Variants in SALL1 observed in about 807,000 individuals in gnomAD.
SALL1 encodes the protein sal-like protein 1.
SALL1 carries 10 observed loss-of-function variants against 73.1 expected under a neutral mutation model. The observed-to-expected ratio is 0.14, with a 90% confidence interval of 0.08 to 0.23. The LOEUF is 0.23. Among genes scored for constraint, SALL1 ranks in the 10% least tolerant of loss-of-function variants. SALL1 has a pLI of 1.00. For missense variants in SALL1, 1,520 were observed against 1,697.3 expected, an observed-to-expected ratio of 0.90 and a Z score of 1.84; for synonymous variants, 688 against 689.8, an observed-to-expected ratio of 1.00 and a Z score of 0.04.
In SALL1 at chr16:51,141,269, G is replaced by T. The variant is rs910738833; in HGVS notation, c.953C>A (p.Pro318Gln). ...AGAACTGCTCTGAGGTAGCTGGATT[G>T]GGGGTAGCTGTTTCACACCACTAAT... is the stretch of plus-strand genomic sequence containing the variant. ...ASISGVKQLP[P>Q]IQLPQSSSGN... Residue 318 changes from proline (P) to glutamine (Q), a missense_variant, in exon 2 of 3, where the codon CCA (proline) becomes CAA (glutamine). Around this residue, in one of 7 missense-constraint regions of SALL1, gnomAD observed 540 missense variants for 567.5 expected, o/e 0.95. Coordinates refer to ENST00000251020, the MANE Select transcript of SALL1 (RefSeq NM_002968.3). This position sits in a 1 kb window ranked among gnomAD's most constrained non-coding sequence, Gnocchi z 5.4. 1.2e-6 allele frequency: 2 copies of T among 1,614,134 alleles called. No homozygotes were observed. Among genetic ancestry groups the T allele is most frequent in the Non-Finnish European group, 1.7e-6 (2 of 1,180,036 alleles).
In SALL1 at chr16:51,141,806, G is replaced by A; in HGVS notation, c.416C>T (p.Thr139Ile). The change falls in exon 2 of 3, where the codon ACT becomes ATT. Residue 139 changes from threonine to isoleucine, a missense_variant. Thr to Ile is a moderately conservative substitution (Grantham distance 89, BLOSUM62 -1). Around this residue, in one of 7 missense-constraint regions of SALL1, gnomAD observed 540 missense variants for 567.5 expected, o/e 0.95. Transcript: ENST00000251020. The surrounding 1 kb of genome is among the most constrained non-coding windows in gnomAD (Gnocchi z 5.4). ...GGTACTGCTGTGGCTGCCGCTGGAA[G>A]TGCCGCTGCCGCTTTTGTTAGCAAC... is the stretch of plus-strand genomic sequence containing the variant. ...APVANKSGSGTSSGSHSSTAP... is the reference protein window; with the variant it reads ...APVANKSGSGISSGSHSSTAP... The A allele has an allele frequency of 6.2e-7, 1 of 1,613,824 alleles. No homozygotes were observed. Among genetic ancestry groups the A allele is most frequent in the Non-Finnish European group, 8.5e-7 (1 of 1,179,936 alleles).
chr16:51,136,835 T>C lies in SALL1; in HGVS notation c.*277A>G, dbSNP rs539837444. The stretch of plus-strand genomic sequence containing the variant: ...ATTGCCATAAATGTTACAGCAAGTT[T>C]ACAGCACTCTAGTCAATTAGTATTT... On this transcript the variant is annotated 3_prime_UTR_variant, in exon 3 of 3. Transcript: ENST00000251020. 1.5e-5 allele frequency: 7 copies of C among 454,046 alleles called. No homozygotes were observed. The highest frequency in any genetic ancestry group is 1.4e-4 in the African/African-American group (7 of 50,996). 28.1% of individuals were successfully genotyped at this position (454,046 alleles called of 1,614,324 possible).
intron 1 of SALL1, among the ~76,000 whole-genome samples, chr16:51,144,789 G>C (rs1200613764): frequency 6.6e-6 from 1 of 152,110 alleles, no homozygotes; most frequent in Non-Finnish European, 1.5e-5. Flanking sequence ...ATTTAGGATT[G>C]TGCTAACTGG....
chr16:51,149,005 AAAGG>A (rs1296982789), intron 1 of SALL1, among the ~76,000 whole-genome samples: 1 of 152,210 alleles, frequency 6.6e-6, no homozygotes, highest in Non-Finnish European at 1.5e-5. Flanking sequence ...AAGAAAAAAG[AAAGG>A]AAGGAAGAGA....
At position 51,137,313 on chromosome 16, in the gene SALL1, ACCGTTCTGAATGACG is replaced by A. The variant is rs1962323626; in HGVS notation, c.3759_3773del (p.Val1254_Gly1258del). ...GGCTTCCAGGAATTGGAGGGATGCC[ACCGTTCTGAATGACG>A]GAGATCTCGTTGGCCTTCATCGCCA... is the stretch of plus-strand genomic sequence containing the variant. On this transcript the variant is annotated inframe_deletion, in exon 3 of 3. Coordinates refer to ENST00000251020, the MANE Select transcript of SALL1 (RefSeq NM_002968.3). 1.9e-6 allele frequency: 3 copies of A among 1,613,872 alleles called. No homozygotes were observed. Among genetic ancestry groups the A allele is most frequent in the Non-Finnish European group, 2.5e-6 (3 of 1,179,986 alleles).
chr16:51,145,424 T>C (rs1032669633), intron 1 of SALL1, among the ~76,000 whole-genome samples: 1 of 152,180 alleles, frequency 6.6e-6, no homozygotes, highest in Non-Finnish European at 1.5e-5. Flanking sequence ...GCATACAGAT[T>C]ATTTTGTAAG....
Position 51,139,077 on chromosome 16 carries a change from A to G in SALL1, c.3145T>C (p.Leu1049=). ...STKGNLKQHM[L]THQMRDLPSQ... ...GGCAGATCTCGCATCTGATGTGTCA[A>G]CATGTGCTGCTTCAAATTACCCTTT... The change falls in exon 2 of 3, where the codon TTG becomes CTG. Residue 1049 remains leucine (L), a synonymous_variant. Coordinates refer to ENST00000251020, the MANE Select transcript of SALL1 (RefSeq NM_002968.3). The G allele has an allele frequency of 6.2e-7, 1 of 1,614,216 alleles. No homozygotes were observed. The highest frequency in any genetic ancestry group is 8.5e-7 in the Non-Finnish European group (1 of 1,180,048).
At chr16:51,148,028 TAAG>T (rs1787407639) in intron 1 of SALL1, among the ~76,000 whole-genome samples, 1 of 152,224 alleles carries the variant, frequency 6.6e-6, no homozygotes, top group African/African-American at 2.4e-5. Context: ...CTTGGTTTCA[TAAG>T]AAGCAGAAAA....
At chr16:51,143,031 C>T (rs1313630704) in intron 1 of SALL1, among the ~76,000 whole-genome samples, 3 of 152,208 alleles carry the variant, frequency 2.0e-5, no homozygotes, top group Non-Finnish European at 4.4e-5. Context: ...ATTTACATTT[C>T]TGATTAAACA....
At chr16:51,145,438 C>A (rs1472709998) in intron 1 of SALL1, among the ~76,000 whole-genome samples, 1 of 152,044 alleles carries the variant, frequency 6.6e-6, no homozygotes, top group Non-Finnish European at 1.5e-5. Context: ...TTGTAAGCAA[C>A]CCTAGTCAGA....
In SALL1 at chr16:51,141,592, G is replaced by A; in HGVS notation, c.630C>T (p.Phe210=). 6.2e-7 allele frequency: 1 copy of A among 1,614,136 alleles called. No individual in the cohort carries two copies. The highest frequency in any genetic ancestry group is 8.5e-7 in the Non-Finnish European group (1 of 1,180,022). The part of the protein sequence containing the change: ...LQSTKVAVAQ[F]SQEARCGGAS... The stretch of plus-strand genomic sequence containing the variant: ...CCCCGCCGCACCTCGCTTCCTGGGA[G>A]AACTGGGCCACCGCCACCTTGGTGC... The change falls in exon 2 of 3, where the codon TTC becomes TTT. Residue 210 remains phenylalanine, a synonymous_variant. Coordinates refer to ENST00000251020, the MANE Select transcript of SALL1 (RefSeq NM_002968.3). The surrounding 1 kb of genome is among the most constrained non-coding windows in gnomAD (Gnocchi z 5.4).
intron 1 of SALL1, chr16:51,149,927 G>C (rs79400557): frequency 0.012 from 1,905 of 152,492 alleles, 16 homozygotes; most frequent in Non-Finnish European, 0.02. Context: ...GGCATCCCGA[G>C]TGGCATCCGG....
chr16:51,150,991 A>G (rs529185428), intron 1 of SALL1, 175 bp downstream of exon 1: 39 of 436,124 alleles, frequency 8.9e-5, no homozygotes, highest in Admixed American at 7.4e-4. Flanking sequence ...AAAGCCCAGC[A>G]AAGGCACATT....
upstream of SALL1, among the ~76,000 whole-genome samples, chr16:51,151,577 C>T (rs1302718082): frequency 2.6e-5 from 4 of 151,244 alleles, no homozygotes; most frequent in Non-Finnish European, 5.9e-5. Context: ...GGCCGCGGGG[C>T]TGGCTCTGCG....
Position 51,139,840 on chromosome 16 carries a change from G to A in SALL1, c.2382C>T (p.Pro794=), listed in dbSNP as rs1962383963. 6.2e-7 allele frequency: 1 copy of A among 1,614,186 alleles called. No homozygotes were observed. The highest frequency in any genetic ancestry group is 2.2e-5 in the East Asian group (1 of 44,890). The change falls in exon 2 of 3, where the codon CCC becomes CCT. Residue 794 remains proline, a synonymous_variant. Coordinates refer to ENST00000251020, the MANE Select transcript of SALL1 (RefSeq NM_002968.3). Reference sequence around the variant, plus strand: ...AGTAGCTGTCGGGGACTGGGGTGTTGGGGATCTGGCCTCCCATATGCATTC... The same window carrying A: ...AGTAGCTGTCGGGGACTGGGGTGTTAGGGATCTGGCCTCCCATATGCATTC... ...HIRMHMGGQI[P]NTPVPDSYSE...
In SALL1 at chr16:51,142,093, G is replaced by C; in HGVS notation, c.129C>G (p.His43Gln). Residue 43 changes from histidine (H) to glutamine (Q), a missense_variant, in exon 2 of 3, where the codon CAC (histidine) becomes CAG (glutamine). Around this residue, in one of 7 missense-constraint regions of SALL1, gnomAD observed 540 missense variants for 567.5 expected, o/e 0.95. Coordinates refer to ENST00000251020, the MANE Select transcript of SALL1 (RefSeq NM_002968.3). Reference protein sequence around the residue: ...PSRPTKSKDAHVCGRCCAEFF... With the variant: ...PSRPTKSKDAQVCGRCCAEFF... ...ACTCGGCACAGCACCGGCCACAGACGTGGGCATCCTTGCTCTTAGTAGGGC... is the reference window on the plus strand; with the variant it reads ...ACTCGGCACAGCACCGGCCACAGACCTGGGCATCCTTGCTCTTAGTAGGGC... The C allele has an allele frequency of 6.2e-7, 1 of 1,613,782 alleles. No homozygotes were observed. Among genetic ancestry groups the C allele is most frequent in the Non-Finnish European group, 8.5e-7 (1 of 1,179,998 alleles).
chr16:51,148,836 T>C (rs548383430), intron 1 of SALL1, among the ~76,000 whole-genome samples: 1 of 152,038 alleles, frequency 6.6e-6, no homozygotes, highest in South Asian at 2.1e-4. Flanking sequence ...CCAAACTTAT[T>C]GTTCAACCAT....
At position 51,141,596 on chromosome 16, in the gene SALL1, T is replaced by A. The variant is rs748344450; in HGVS notation, c.626A>T (p.Gln209Leu). The change falls in exon 2 of 3, where the codon CAG (glutamine) becomes CTG (leucine). Residue 209 changes from glutamine (Q) to leucine (L), a missense_variant. Coordinates refer to ENST00000251020, the MANE Select transcript of SALL1 (RefSeq NM_002968.3). This position sits in a 1 kb window ranked among gnomAD's most constrained non-coding sequence, Gnocchi z 5.4. ...GCCGCACCTCGCTTCCTGGGAGAAC[T>A]GGGCCACCGCCACCTTGGTGCTCTG... Reference protein sequence around the residue: ...NLQSTKVAVAQFSQEARCGGA... With the variant: ...NLQSTKVAVALFSQEARCGGA... 4 of 1,614,094 alleles carry A rather than the reference T, an allele frequency of 2.5e-6. No individual in the cohort carries two copies. In the South Asian group the frequency reaches 4.4e-5, roughly 18 times the overall value.
intron 1 of SALL1, among the ~76,000 whole-genome samples, chr16:51,148,423 A>G (rs933669557): frequency 8.5e-5 from 13 of 152,246 alleles, no homozygotes; most frequent in African/African-American, 2.9e-4. Context: ...TATGTTTCAT[A>G]TTTCATTTGT....
Sources: gnomAD v4.1 joint callset for allele counts (sites outside exome capture counted in the v4.1 genomes callset) on GRCh38, gnomAD v4.1.1 for gene constraint, gnomAD v4.1.1 regional missense constraint, Gnocchi (gnomAD v3.1) non-coding constraint, MANE v1.5 for transcripts, NCBI Gene and HGNC (gene_info 2026-07-23, HGNC 2026-07-21) for gene names.